DIAPH3: variants seen among roughly 807,000 people sequenced by gnomAD.
The protein encoded by DIAPH3 is diaphanous related formin 3, also known as protein diaphanous homolog 3.
DIAPH3 carries 117 observed loss-of-function variants against 144.3 expected under a neutral mutation model. The ratio of observed to expected loss-of-function variants is 0.81; its 90% CI spans 0.70 to 0.95. The LOEUF (loss-of-function observed/expected upper bound fraction) is 0.95, where lower values mean the gene tolerates loss of function less well. DIAPH3 is among the 40% of genes least tolerant of loss of function. The pLI, the probability that DIAPH3 is intolerant of heterozygous loss-of-function variation, is 0.00. For synonymous variants in DIAPH3, 519 were observed against 488.9 expected, an observed-to-expected ratio of 1.06 and a Z score of -0.81; for missense variants, 1,421 against 1,412.7, an observed-to-expected ratio of 1.01 and a Z score of -0.09.
At chr13:60,082,534 A>C (rs2057595097) in intron 4 of DIAPH3, among the ~76,000 whole-genome samples, 1 of 144,228 alleles carries the variant, frequency 6.9e-6, no homozygotes, top group Non-Finnish European at 1.5e-5. Context: ...CAATGCCATT[A>C]AGCTTTTTGC....
At chr13:60,001,934 G>A (rs1039622034) in intron 9 of DIAPH3, among the ~76,000 whole-genome samples, 1 of 152,172 alleles carries the variant, frequency 6.6e-6, no homozygotes, top group Non-Finnish European at 1.5e-5. Context: ...TTCAGCTAAA[G>A]TGATCAGTGA....
intron 22 of DIAPH3, among the ~76,000 whole-genome samples, chr13:59,850,650 T>C (rs1168339075): frequency 1.3e-5 from 2 of 151,986 alleles, no homozygotes; most frequent in African/African-American, 4.8e-5. Flanking sequence ...TGAACCAGCC[T>C]TGCATCCCAG....
chr13:59,963,996 G>C (rs1163879832), intron 17 of DIAPH3, among the ~76,000 whole-genome samples: 1 of 152,196 alleles, frequency 6.6e-6, no homozygotes, highest in Non-Finnish European at 1.5e-5. Flanking sequence ...ACAAGGCAAA[G>C]AACTGCCTAA....
At chr13:59,707,023 AG>A (rs1241777129) in intron 27 of DIAPH3, among the ~76,000 whole-genome samples, 1 of 152,226 alleles carries the variant, frequency 6.6e-6, no homozygotes, top group Non-Finnish European at 1.5e-5. Context: ...TATTATTAGC[AG>A]TTATTGTGGC....
intron 3 of DIAPH3, among the ~76,000 whole-genome samples, chr13:60,106,777 C>T (rs775343931): frequency 1.3e-5 from 2 of 152,024 alleles, no homozygotes; most frequent in African/African-American, 2.4e-5. Flanking sequence ...AAAAGATGTT[C>T]GGACACATTT....
intron 24 of DIAPH3, among the ~76,000 whole-genome samples, chr13:59,826,839 G>T (rs1384078496): frequency 6.6e-6 from 1 of 151,960 alleles, no homozygotes; most frequent in Non-Finnish European, 1.5e-5. Flanking sequence ...CAGAGATATA[G>T]ATCAATGGAA....
chr13:60,146,378 G>A (rs1279829126), intron 1 of DIAPH3, among the ~76,000 whole-genome samples: 1 of 152,122 alleles, frequency 6.6e-6, no homozygotes. Flanking sequence ...TTCCCTTCTT[G>A]GTGATTCAAA....
rs374319623 is a variant in DIAPH3, at chr13:60,102,082, C to G, written c.391-8350G>C. Among the ~76,000 whole-genome samples, 13 of 152,208 alleles carry G rather than the reference C, an allele frequency of 8.5e-5. No individual in the cohort carries two copies. The East Asian group carries it at 2.1e-3, about 25-fold the overall frequency. ...AAGAAAGCTATAATTCCATTTTCTG[C>G]TGTTTTACCATTTTATTTGCACACT... is the stretch of plus-strand genomic sequence containing the variant. On this transcript the variant is annotated intron_variant, in intron 3 of 27. Transcript: ENST00000400324.
intron 13 of DIAPH3, among the ~76,000 whole-genome samples, chr13:59,983,395 A>C (rs2051158419): frequency 6.6e-6 from 1 of 151,720 alleles, no homozygotes; most frequent in South Asian, 2.1e-4. Flanking sequence ...ATATTAAAAC[A>C]GTGTGTATAC....
chr13:59,810,251 C>A (rs533834269), intron 25 of DIAPH3, among the ~76,000 whole-genome samples: 4 of 152,252 alleles, frequency 2.6e-5, no homozygotes, highest in Middle Eastern at 3.4e-3. Flanking sequence ...CCTCAACCTT[C>A]CAGGCTCAGG....
intron 27 of DIAPH3, among the ~76,000 whole-genome samples, chr13:59,683,976 T>C (rs937109928): frequency 6.6e-6 from 1 of 152,074 alleles, no homozygotes; most frequent in Non-Finnish European, 1.5e-5. Context: ...GAGGAGGAAC[T>C]TGAATAACAT....
chr13:59,749,622 T>C (rs1404801266), intron 27 of DIAPH3, among the ~76,000 whole-genome samples: 1 of 151,158 alleles, frequency 6.6e-6, no homozygotes, highest in Non-Finnish European at 1.5e-5. Context: ...ATCTCAGATA[T>C]ATAATTCACA....
intron 24 of DIAPH3, among the ~76,000 whole-genome samples, chr13:59,825,253 G>C (rs904978299): frequency 6.6e-6 from 1 of 151,608 alleles, no homozygotes; most frequent in Non-Finnish European, 1.5e-5. Flanking sequence ...TGTTCTCATT[G>C]TTCAATTCCC....
intron 18 of DIAPH3, among the ~76,000 whole-genome samples, chr13:59,920,154 A>G (rs147350015): frequency 5.3e-4 from 81 of 152,104 alleles, no homozygotes; most frequent in African/African-American, 1.9e-3. Context: ...GATCTACAAA[A>G]CAACTAGAAA....
chr13:59,928,323 C>T (rs554310052), intron 17 of DIAPH3, among the ~76,000 whole-genome samples: 7 of 152,058 alleles, frequency 4.6e-5, no homozygotes, highest in African/African-American at 9.6e-5. Context: ...GTGTTCTCTG[C>T]GCTTCACTGA....
chr13:59,953,969 A>G (rs2049242927), intron 17 of DIAPH3, among the ~76,000 whole-genome samples: 1 of 152,202 alleles, frequency 6.6e-6, no homozygotes, highest in South Asian at 2.1e-4. Context: ...AAGTGTCAAG[A>G]AACAAAATAA....
chr13:59,929,673 C>G (rs1379024045), intron 17 of DIAPH3, among the ~76,000 whole-genome samples: 2 of 150,254 alleles, frequency 1.3e-5, no homozygotes, highest in Non-Finnish European at 3.0e-5. Flanking sequence ...AGCAATTCTC[C>G]TGCCTCGGCC....
At chr13:60,143,871 G>T (rs1359196923) in intron 1 of DIAPH3, among the ~76,000 whole-genome samples, 2 of 152,198 alleles carry the variant, frequency 1.3e-5, no homozygotes, top group Admixed American at 1.3e-4. Context: ...AGGGCCTCAG[G>T]AGACTCACAG....
intron 4 of DIAPH3, among the ~76,000 whole-genome samples, chr13:60,092,392 C>A (rs1339510972): frequency 6.6e-6 from 1 of 152,182 alleles, no homozygotes; most frequent in Non-Finnish European, 1.5e-5. Context: ...GTGGCTCACG[C>A]CTGTAATCCC....
Sources: gnomAD v4.1 joint callset for allele counts (sites outside exome capture counted in the v4.1 genomes callset) on GRCh38, gnomAD v4.1.1 for gene constraint, MANE v1.5 for transcripts, NCBI Gene and HGNC (gene_info 2026-07-23, HGNC 2026-07-21) for gene names.